Variants in FRMD4A observed in about 807,000 individuals in gnomAD.
The protein encoded by FRMD4A is FERM domain-containing protein 4A.
In FRMD4A, 29 loss-of-function variants were observed where a neutral mutation model predicts 129.1. That is an observed-to-expected ratio of 0.22 (90% CI 0.17 to 0.31). FRMD4A has a LOEUF of 0.31. Among genes scored for constraint, FRMD4A ranks in the 10% least tolerant of loss-of-function variants. The pLI is 1.00. For synonymous variants in FRMD4A, 634 were observed against 571.6 expected (o/e 1.11, Z -1.56); for missense variants, 1,272 against 1,375.8 (o/e 0.92, Z 1.19).
At position 13,701,414 on chromosome 10, in the gene FRMD4A, G is replaced by T; in HGVS notation, c.901C>A (p.Pro301Thr). 6.2e-7 allele frequency: 1 copy of T among 1,613,798 alleles called. No homozygotes were observed. Among genetic ancestry groups the T allele is most frequent in the Non-Finnish European group, 8.5e-7 (1 of 1,179,656 alleles). ...GIAVHTWYACPALIKSIWAMA... is the reference protein window; with the variant it reads ...GIAVHTWYACTALIKSIWAMA... ...GCCCAGATGGACTTGATCAATGCCG[G>T]ACATGCATACCACGTGTGCACTGCA... Residue 301 changes from proline (P) to threonine (T), a missense_variant, in exon 14 of 25, where the codon CCG becomes ACG. Pro to Thr is a conservative substitution (Grantham distance 38). Around this residue, in one of 2 missense-constraint regions of FRMD4A, gnomAD observed 300 missense variants for 483.6 expected, o/e 0.62. Coordinates refer to ENST00000357447, the MANE Select transcript of FRMD4A (RefSeq NM_018027.5).
intron 2 of FRMD4A, among the ~76,000 whole-genome samples, chr10:14,114,950 T>G (rs1276103026): frequency 1.3e-5 from 2 of 152,164 alleles, no homozygotes; most frequent in Admixed American, 1.3e-4. Context: ...GAGAAGGTAC[T>G]GAAGTACTGT....
At chr10:13,685,766 C>A in intron 15 of FRMD4A, 1 of 256,810 alleles carries the variant, frequency 3.9e-6, no homozygotes, top group Non-Finnish European at 6.1e-6. Flanking sequence ...TAGCATTGCA[C>A]CACTGCACTC....
intron 3 of FRMD4A, among the ~76,000 whole-genome samples, chr10:13,851,429 G>T (rs887442084): frequency 1.3e-5 from 2 of 152,172 alleles, no homozygotes; most frequent in African/African-American, 2.4e-5. Flanking sequence ...TAGGAATGGG[G>T]CTGCACAGCA....
chr10:14,177,157 T>C (rs1165588732), intron 2 of FRMD4A, among the ~76,000 whole-genome samples: 1 of 152,180 alleles, frequency 6.6e-6, no homozygotes, highest in Non-Finnish European at 1.5e-5. Context: ...GAAACCCCTC[T>C]CATCAGAATT....
chr10:14,133,068 A>C (rs1401080659), intron 2 of FRMD4A, among the ~76,000 whole-genome samples: 1 of 152,168 alleles, frequency 6.6e-6, no homozygotes, highest in African/African-American at 2.4e-5. Flanking sequence ...TTTTTTACCA[A>C]ACTTCAGGAA....
chr10:13,732,142 C>T (rs748779406), intron 12 of FRMD4A, among the ~76,000 whole-genome samples: 19 of 152,066 alleles, frequency 1.2e-4, no homozygotes, highest in Non-Finnish European at 2.4e-4. Flanking sequence ...AGGTCCCTTG[C>T]GTTTTACTCC....
chr10:14,245,263 G>A (rs541247760), intron 2 of FRMD4A, among the ~76,000 whole-genome samples: 4 of 152,196 alleles, frequency 2.6e-5, no homozygotes, highest in Admixed American at 1.3e-4. Context: ...CATAGGCACC[G>A]GCCTTAGGTC....
intron 2 of FRMD4A, among the ~76,000 whole-genome samples, chr10:14,185,337 TA>T (rs1842054121): frequency 6.6e-6 from 1 of 152,226 alleles, no homozygotes; most frequent in South Asian, 2.1e-4. Flanking sequence ...CATTTAGTTC[TA>T]GATATCCATA....
At chr10:13,970,113 G>C (rs528260419) in intron 2 of FRMD4A, among the ~76,000 whole-genome samples, 1 of 152,242 alleles carries the variant, frequency 6.6e-6, no homozygotes, top group African/African-American at 2.4e-5. Flanking sequence ...AGCTTGTCAT[G>C]GGAAATCTTA....
chr10:14,075,471 A>G (rs11813322), intron 2 of FRMD4A, among the ~76,000 whole-genome samples: 6,354 of 152,306 alleles, frequency 0.042, 204 homozygotes, highest in East Asian at 0.13. Flanking sequence ...GAACAGGGAC[A>G]GAACTGGAAC....
intron 2 of FRMD4A, among the ~76,000 whole-genome samples, chr10:14,121,002 A>T (rs1398477416): frequency 6.6e-6 from 1 of 152,212 alleles, no homozygotes; most frequent in Non-Finnish European, 1.5e-5. Context: ...TGTAACCTAG[A>T]TCAGTATGCC....
At chr10:13,747,450 T>A (rs2091349666) in intron 9 of FRMD4A, among the ~76,000 whole-genome samples, 1 of 150,450 alleles carries the variant, frequency 6.6e-6, no homozygotes, top group Non-Finnish European at 1.5e-5. Flanking sequence ...GGCAGGAGAA[T>A]CGCTTGAGGC....
chr10:14,070,950 T>C (rs1381359199), intron 2 of FRMD4A, among the ~76,000 whole-genome samples: 1 of 152,216 alleles, frequency 6.6e-6, no homozygotes, highest in Non-Finnish European at 1.5e-5. Context: ...AATTGATGCA[T>C]CCAATCAAAG....
intron 2 of FRMD4A, among the ~76,000 whole-genome samples, chr10:14,072,485 A>G (rs1835362423): frequency 6.6e-6 from 1 of 152,230 alleles, no homozygotes; most frequent in African/African-American, 2.4e-5. Flanking sequence ...TGTGAGTTGG[A>G]GTCAACTTGT....
intron 4 of FRMD4A, 115 bp from the exon 5 acceptor site, chr10:13,796,703 C>A (rs1161069764): frequency 3.2e-6 from 2 of 617,868 alleles, no homozygotes; most frequent in East Asian, 2.7e-5. Context: ...TGAACCTTCA[C>A]CTTATTTTTA....
intron 2 of FRMD4A, among the ~76,000 whole-genome samples, chr10:13,915,168 A>G (rs2094986570): frequency 1.3e-5 from 2 of 152,218 alleles, no homozygotes; most frequent in Non-Finnish European, 2.9e-5. Flanking sequence ...AAATTTCATC[A>G]AATCCAGGCG....
Position 13,782,913 on chromosome 10 carries a change from A to G in FRMD4A, c.384+9T>C, listed in dbSNP as rs2092772309. On this transcript the variant is annotated intron_variant, in intron 6 of 24. Coordinates refer to ENST00000357447, the MANE Select transcript of FRMD4A (RefSeq NM_018027.5). Reference sequence around the variant, plus strand: ...TTCAGAGGGAAATTGAGGGAGAGGGAGTTCCTACCTTGTAGATGCAGGACT... The same window carrying G: ...TTCAGAGGGAAATTGAGGGAGAGGGGGTTCCTACCTTGTAGATGCAGGACT... 3.3e-6 allele frequency: 4 copies of G among 1,206,960 alleles called. No homozygotes were observed. The East Asian group carries it at 9.3e-5, about 28-fold the overall frequency. 74.8% of individuals were successfully genotyped at this position (1,206,960 alleles called of 1,614,324 possible).
chr10:14,235,172 C>T (rs1230823313), intron 2 of FRMD4A, among the ~76,000 whole-genome samples: 1 of 149,900 alleles, frequency 6.7e-6, no homozygotes, highest in Non-Finnish European at 1.5e-5. Flanking sequence ...TTTTTTGACA[C>T]GGAGTCTTGC....
intron 5 of FRMD4A, among the ~76,000 whole-genome samples, chr10:13,793,528 G>A (rs953946835): frequency 6.6e-6 from 1 of 152,000 alleles, no homozygotes; most frequent in Non-Finnish European, 1.5e-5. Flanking sequence ...CTAGACATGT[G>A]GTATGTAGAT....
Sources: gnomAD v4.1 joint callset for allele counts (sites outside exome capture counted in the v4.1 genomes callset) on GRCh38, gnomAD v4.1.1 for gene constraint, gnomAD v4.1.1 regional missense constraint, MANE v1.5 for transcripts, NCBI Gene and HGNC (gene_info 2026-07-23, HGNC 2026-07-21) for gene names.